TIE1: variants seen among roughly 807,000 people sequenced by gnomAD.
TIE1 encodes tyrosine kinase with immunoglobulin like and EGF like domains 1, also known as tyrosine-protein kinase receptor Tie-1.
TIE1 carries 89 observed loss-of-function variants against 130.5 expected under a neutral mutation model. The observed-to-expected ratio is 0.68, with a 90% CI of 0.57 to 0.81. The LOEUF (loss-of-function observed/expected upper bound fraction) is 0.81. Ranked by LOEUF, TIE1 falls within the 40% of genes least tolerant of loss-of-function variation. TIE1 has a pLI of 0.00. For missense variants in TIE1, 1,392 were observed against 1,559.8 expected (o/e 0.89, Z 1.81); for synonymous variants, 568 against 629.4 (o/e 0.90, Z 1.46).
rs1045685255 is a variant in TIE1 at position 43,317,470 on chromosome 1, C to T, written c.2620+61C>T. 3 of 1,607,218 alleles carry T rather than the reference C, an allele frequency of 1.9e-6. No homozygotes were observed. The highest frequency in any genetic ancestry group is 2.6e-6 in the Non-Finnish European group (3 of 1,173,718). On this transcript the variant is annotated intron_variant, in intron 15 of 22. Coordinates refer to ENST00000372476, the MANE Select transcript of TIE1 (RefSeq NM_005424.5). The surrounding 1 kb of genome is among the most constrained non-coding windows in gnomAD (Gnocchi z 5.1). ...TCTCCTTTGTCCCACAAATCCCAGG[C>T]CCCACCTGGCTTCCTCCAGCAATTG...
rs560965923 is a variant in TIE1, at chr1:43,303,360, A to C, written c.59-1491A>C. ...CTTGCTCAAAGAAGCCAGTAGAATA[A>C]TTACCATGATCCTCCTCTGTAACTG... On this transcript the variant is annotated intron_variant, in intron 1 of 22. Transcript: ENST00000372476. Among the ~76,000 whole-genome samples, 6 of 152,288 alleles carry C rather than the reference A, an allele frequency of 3.9e-5. No individual in the cohort carries two copies. In the South Asian group the frequency reaches 8.3e-4, roughly 21 times the overall value.
chr1:43,303,098 A>G (rs1268373488), intron 1 of TIE1, among the ~76,000 whole-genome samples: 4 of 152,120 alleles, frequency 2.6e-5, no homozygotes. Context: ...AAATGAAACA[A>G]TATCAGTAAA....
rs1438240162 is a variant in TIE1, at chr1:43,318,119, G to T, written c.2922+47G>T. 6.6e-7 allele frequency: 1 copy of T among 1,504,238 alleles called. No homozygotes were observed. The highest frequency in any genetic ancestry group is 1.4e-5 in the South Asian group (1 of 74,050). The allele number at this position is 1,504,238 out of a possible 1,614,324, so 93.2% of individuals were successfully genotyped here. ...TGGAGGCCAGAGGGGGAAGCCACTGGGCTGGTGTCAGTGGAAGAAGTCAGC... is the reference window on the plus strand; with the variant it reads ...TGGAGGCCAGAGGGGGAAGCCACTGTGCTGGTGTCAGTGGAAGAAGTCAGC... On this transcript the variant is annotated intron_variant, in intron 17 of 22. Transcript: ENST00000372476. The surrounding 1 kb of genome is among the most constrained non-coding windows in gnomAD (Gnocchi z 4.4).
chr1:43,321,032 C>CAAAAAAAAAAA (rs752698629), intron 19 of TIE1, among the ~76,000 whole-genome samples: 2 of 97,372 alleles, frequency 2.1e-5, no homozygotes, highest in Non-Finnish European at 3.9e-5. Flanking sequence ...GACCCTGTCT[C>CAAAAAAAAAAA]AAAAAAAAAA....
intron 1 of TIE1, among the ~76,000 whole-genome samples, chr1:43,302,730 C>A (rs2153909825): frequency 6.6e-6 from 1 of 152,046 alleles, no homozygotes; most frequent in Admixed American, 6.5e-5. Context: ...TGGGAGGTCA[C>A]AGGCAAGAAA....
Position 43,307,074 on chromosome 1 carries a change from GCCCCTGGAT to G in TIE1, c.641-66_641-58del. 1.4e-5 allele frequency: 23 copies of G among 1,612,858 alleles called. No individual in the cohort carries two copies. Among genetic ancestry groups the G allele is most frequent in the Non-Finnish European group, 2.0e-5 (23 of 1,179,426 alleles). On this transcript the variant is annotated intron_variant, in intron 4 of 22. Coordinates refer to ENST00000372476, the MANE Select transcript of TIE1 (RefSeq NM_005424.5). This position sits in a 1 kb window ranked among gnomAD's most constrained non-coding sequence, Gnocchi z 5.4. ...GGGTACTTCCTGTGGGTCCCCTGGA[GCCCCTGGAT>G]CTCCAGTCCTCAGTGGTCAGGTGGG...
In TIE1 at chr1:43,313,716, TGGTGGCCTCTG is replaced by T; in HGVS notation, c.2219-58_2219-48del. On this transcript the variant is annotated intron_variant, in intron 13 of 22. Coordinates refer to ENST00000372476, the MANE Select transcript of TIE1 (RefSeq NM_005424.5). This position sits in a 1 kb window ranked among gnomAD's most constrained non-coding sequence, Gnocchi z 6.2. Reference sequence around the variant, plus strand: ...TCACCTCTCCCTCTGTGTAACCCCATGGTGGCCTCTGGGTTCCCTGACCCAGGTGTCCCCAC... The same window carrying T: ...TCACCTCTCCCTCTGTGTAACCCCATGGTTCCCTGACCCAGGTGTCCCCAC... 1.3e-6 allele frequency: 2 copies of T among 1,516,078 alleles called. No individual in the cohort carries two copies. The highest frequency in any genetic ancestry group is 1.8e-6 in the Non-Finnish European group (2 of 1,122,712). 93.9% of individuals were successfully genotyped at this position (1,516,078 alleles called of 1,614,324 possible). A position where few individuals can be genotyped will look rare whatever the true frequency, so the allele number is the denominator to read the frequency against.
At position 43,317,128 on chromosome 1, in the gene TIE1, CT is replaced by C; in HGVS notation, c.2410-70del. 1 of 1,514,182 alleles carries C rather than the reference CT, an allele frequency of 6.6e-7. No homozygotes were observed. Among genetic ancestry groups the C allele is most frequent in the Admixed American group, 1.7e-5 (1 of 59,840 alleles). 93.8% of individuals were successfully genotyped at this position (1,514,182 alleles called of 1,614,324 possible). ...CTGACACTGAAACCTCCTCGTGTGCCTGTCTGTGCCTCCTTCCGCCCCCTTT... is the reference window on the plus strand; with the variant it reads ...CTGACACTGAAACCTCCTCGTGTGCCGTCTGTGCCTCCTTCCGCCCCCTTT... On this transcript the variant is annotated intron_variant, in intron 14 of 22. Coordinates refer to ENST00000372476, the MANE Select transcript of TIE1 (RefSeq NM_005424.5). The surrounding 1 kb of genome is among the most constrained non-coding windows in gnomAD (Gnocchi z 5.1).
rs1490706141 is a variant in TIE1 at position 43,307,104 on chromosome 1, G to T, written c.641-38G>T. ...TGGATCTCCAGTCCTCAGTGGTCAG[G>T]TGGGTGAGGGTCAGCTGCTGAAGAC... On this transcript the variant is annotated intron_variant, in intron 4 of 22. Transcript: ENST00000372476. This position sits in a 1 kb window ranked among gnomAD's most constrained non-coding sequence, Gnocchi z 5.4. 1.2e-5 allele frequency: 19 copies of T among 1,613,662 alleles called. No individual in the cohort carries two copies. The highest frequency in any genetic ancestry group is 1.6e-5 in the Non-Finnish European group (19 of 1,179,968).
rs1056960542 is a variant in TIE1 at position 43,322,342 on chromosome 1, G to A, written c.3346-309G>A. ...AAATAACCATATAAATGGATGAGTC[G>A]TCTAAAATGGCTTTTGAACAGATAA... On this transcript the variant is annotated intron_variant, in intron 22 of 22. Coordinates refer to ENST00000372476, the MANE Select transcript of TIE1 (RefSeq NM_005424.5). This position sits in a 1 kb window ranked among gnomAD's most constrained non-coding sequence, Gnocchi z 4.0. Among the ~76,000 whole-genome samples the A allele has an allele frequency of 4.6e-5, 7 of 152,190 alleles. No individual in the cohort carries two copies. The highest frequency in any genetic ancestry group is 2.6e-4 in the Admixed American group (4 of 15,282).
Position 43,322,745 on chromosome 1 carries a change from G to T in TIE1, c.*23G>T, listed in dbSNP as rs766873085. 7 of 1,611,434 alleles carry T rather than the reference G, an allele frequency of 4.3e-6. No homozygotes were observed. The highest frequency in any genetic ancestry group is 1.1e-5 in the South Asian group (1 of 90,846). On this transcript the variant is annotated 3_prime_UTR_variant, in exon 23 of 23. Transcript: ENST00000372476. The surrounding 1 kb of genome is among the most constrained non-coding windows in gnomAD (Gnocchi z 4.0). ...TGAGCTGCCATCCAGCCAGAACGTG[G>T]CTCTGCTGGCCGGAGCAAACTCTGC...
Position 43,319,702 on chromosome 1 carries a change from T to C in TIE1, c.3107+173T>C, listed in dbSNP as rs1261543795. The C allele has an allele frequency of 7.6e-6, 5 of 655,174 alleles. No individual in the cohort carries two copies. The African/African-American group carries it at 9.1e-5, about 12-fold the overall frequency. 40.6% of individuals were successfully genotyped at this position (655,174 alleles called of 1,614,324 possible). A position where few individuals can be genotyped will look rare whatever the true frequency, so the allele number is the denominator to read the frequency against. On this transcript the variant is annotated intron_variant, in intron 19 of 22. Coordinates refer to ENST00000372476, the MANE Select transcript of TIE1 (RefSeq NM_005424.5). This position sits in a 1 kb window ranked among gnomAD's most constrained non-coding sequence, Gnocchi z 4.7. ...AGTACCTAGCCAAGGTGGGGCTTGC[T>C]GGAAGGAGTCTTGGAAGGTGTTTCA...
chr1:43,313,404 G>A lies in TIE1; in HGVS notation c.2197G>A (p.Glu733Lys). Residue 733 changes from glutamate (E) to lysine (K), a missense_variant, in exon 13 of 23, where the codon GAA becomes AAA. By Grantham distance (56) the Glu-to-Lys change is moderately conservative. Around this residue, in one of 6 missense-constraint regions of TIE1, gnomAD observed 551 missense variants for 565.5 expected, o/e 0.97. Coordinates refer to ENST00000372476, the MANE Select transcript of TIE1 (RefSeq NM_005424.5). This position sits in a 1 kb window ranked among gnomAD's most constrained non-coding sequence, Gnocchi z 6.2. The part of the protein sequence containing the change: ...QGLGDWSNTV[E>K]ESTLGNGLQA... ...GCTCGGGGACTGGAGCAACACAGTA[G>A]AAGAGTCCACCCTGGGCAACGGTGA... The A allele has an allele frequency of 6.2e-7, 1 of 1,613,926 alleles. No homozygotes were observed. Among genetic ancestry groups the A allele is most frequent in the Non-Finnish European group, 8.5e-7 (1 of 1,179,932 alleles).
intron 7 of TIE1, among the ~76,000 whole-genome samples, chr1:43,308,636 A>G (rs2153911095): frequency 6.6e-6 from 1 of 152,188 alleles, no homozygotes; most frequent in East Asian, 1.9e-4. Context: ...TGGAGAAAGG[A>G]CCCCTAGCTG....
Position 43,315,611 on chromosome 1 carries a change from G to T in TIE1, c.2410-1588G>T, listed in dbSNP as rs1353239613. Among the ~76,000 whole-genome samples the T allele has an allele frequency of 6.6e-6, 1 of 151,932 alleles. No homozygotes were observed. Among genetic ancestry groups the T allele is most frequent in the Non-Finnish European group, 1.5e-5 (1 of 67,986 alleles). The stretch of plus-strand genomic sequence containing the variant: ...AGAGGTTGCAGTGAGCCAATATCAC[G>T]CCACTGCACTCCAGCCTGGATGACA... On this transcript the variant is annotated intron_variant, in intron 14 of 22. Transcript: ENST00000372476. This position sits in a 1 kb window ranked among gnomAD's most constrained non-coding sequence, Gnocchi z 4.4.
intron 1 of TIE1, 105 bp from the exon 2 acceptor site, chr1:43,304,746 T>A (rs995266885): frequency 1.6e-6 from 2 of 1,241,858 alleles, no homozygotes; most frequent in African/African-American, 3.2e-5. Context: ...GAGACCCTCT[T>A]CTGAGTGGAC....
rs1225328772 is a variant in TIE1 at position 43,312,179 on chromosome 1, C to T, written c.1630+48C>T. ...TTCCTGTCCCCCCAAGGGTTACTTT[C>T]CCGTCGACCCCAGGGACCCCTGCCT... On this transcript the variant is annotated intron_variant, in intron 11 of 22. Coordinates refer to ENST00000372476, the MANE Select transcript of TIE1 (RefSeq NM_005424.5). The surrounding 1 kb of genome is among the most constrained non-coding windows in gnomAD (Gnocchi z 5.6). 2 of 1,514,758 alleles carry T rather than the reference C, an allele frequency of 1.3e-6. No homozygotes were observed. The highest frequency in any genetic ancestry group is 2.7e-5 in the South Asian group (2 of 74,740). 93.8% of individuals were successfully genotyped at this position (1,514,758 alleles called of 1,614,324 possible).
At position 43,317,127 on chromosome 1, in the gene TIE1, CCTGT is replaced by C; in HGVS notation, c.2410-67_2410-64del. The C allele has an allele frequency of 6.6e-7, 1 of 1,504,376 alleles. No homozygotes were observed. Among genetic ancestry groups the C allele is most frequent in the Non-Finnish European group, 9.2e-7 (1 of 1,083,936 alleles). 93.2% of individuals were successfully genotyped at this position (1,504,376 alleles called of 1,614,324 possible). A position where few individuals can be genotyped will look rare whatever the true frequency, so the allele number is the denominator to read the frequency against. On this transcript the variant is annotated intron_variant, in intron 14 of 22. Transcript: ENST00000372476. The surrounding 1 kb of genome is among the most constrained non-coding windows in gnomAD (Gnocchi z 5.1). The stretch of plus-strand genomic sequence containing the variant: ...TCTGACACTGAAACCTCCTCGTGTG[CCTGT>C]CTGTGCCTCCTTCCGCCCCCTTTGA...
In TIE1 at chr1:43,302,821, G is replaced by A. The variant is rs561349311; in HGVS notation, c.58+1692G>A. ...GGGCTGTGGCTGTTGGGATGGTCTA[G>A]GTGAGTAAGGATGAGGGCTGAACAA... On this transcript the variant is annotated intron_variant, in intron 1 of 22. Transcript: ENST00000372476. Among the ~76,000 whole-genome samples the A allele has an allele frequency of 5.9e-5, 9 of 152,092 alleles. No homozygotes were observed. The East Asian group carries it at 1.2e-3, about 20-fold the overall frequency.
Sources: allele counts gnomAD v4.1 joint callset (sites outside exome capture counted in the v4.1 genomes callset), GRCh38; gene constraint gnomAD v4.1.1; regional missense constraint gnomAD v4.1.1; non-coding constraint Gnocchi (gnomAD v3.1); transcripts MANE v1.5; gene names NCBI Gene and HGNC (gene_info 2026-07-23, HGNC 2026-07-21).